Variants in SFXN5 observed in about 807,000 individuals in gnomAD.
SFXN5 encodes the protein sideroflexin-5.
SFXN5 carries 43 observed loss-of-function variants against 50.2 expected under a neutral mutation model. The ratio of observed to expected loss-of-function variants is 0.86; its 90% confidence interval spans 0.67 to 1.11. The LOEUF (loss-of-function observed/expected upper bound fraction) is 1.11. SFXN5 is among the 50% of genes least tolerant of loss of function. The pLI is 0.00. For synonymous variants in SFXN5, 203 were observed against 185.8 expected (o/e 1.09, Z -0.75); for missense variants, 463 against 454.1 (o/e 1.02, Z -0.18).
In SFXN5 at chr2:72,961,047, A is replaced by G; in HGVS notation, c.945+84T>C. On this transcript the variant is annotated intron_variant, in intron 13 of 13. Transcript: ENST00000272433. The surrounding 1 kb of genome is among the most constrained non-coding windows in gnomAD (Gnocchi z 4.4). ...CCCAGCGCCTAGCATGGCGCTAAGG[A>G]GTCGGCACGGTATGAGTATTTGTTC... 1.0e-6 allele frequency: 1 copy of G among 998,148 alleles called. No homozygotes were observed. Among genetic ancestry groups the G allele is most frequent in the Non-Finnish European group, 1.4e-6 (1 of 707,922 alleles). 61.8% of individuals were successfully genotyped at this position (998,148 alleles called of 1,614,324 possible). A position where few individuals can be genotyped will look rare whatever the true frequency, so the allele number is the denominator to read the frequency against.
Position 72,981,441 on chromosome 2 carries a change from C to T in SFXN5, c.625+6817G>A, listed in dbSNP as rs184821734. ...ATTTTTTGAACAGCAAGGCTTACAT[C>T]AAACCTTGTGAGATCTCATCGGCCC... On this transcript the variant is annotated intron_variant, in intron 10 of 13. Transcript: ENST00000272433. 5.9e-5 allele frequency among the ~76,000 whole-genome samples: 9 copies of T among 152,250 alleles called. No individual in the cohort carries two copies. In the East Asian group the frequency reaches 1.5e-3, roughly 26 times the overall value.
intron 6 of SFXN5, among the ~76,000 whole-genome samples, chr2:73,017,420 CTG>C (rs1676307588): frequency 6.6e-6 from 1 of 152,150 alleles, no homozygotes; most frequent in Non-Finnish European, 1.5e-5. Flanking sequence ...TTAAACCTAA[CTG>C]TGTATCAAGT....
At chr2:73,067,962 A>C (rs1381436406) in intron 1 of SFXN5, among the ~76,000 whole-genome samples, 3 of 152,194 alleles carry the variant, frequency 2.0e-5, no homozygotes, top group Non-Finnish European at 4.4e-5. Flanking sequence ...AAATTCAGTA[A>C]GTCAATACAC....
intron 9 of SFXN5, chr2:72,998,624 G>C (rs1189871616): frequency 5.8e-6 from 2 of 343,040 alleles, no homozygotes; most frequent in Non-Finnish European, 1.1e-5. Flanking sequence ...GCTCGCTCCA[G>C]CCACGTTACC....
intron 9 of SFXN5, among the ~76,000 whole-genome samples, chr2:72,990,978 T>C (rs989739589): frequency 1.3e-5 from 2 of 152,182 alleles, no homozygotes; most frequent in African/African-American, 4.8e-5. Context: ...TCAGAAGATC[T>C]GGGTTCAAAA....
Position 72,993,295 on chromosome 2 carries a change from A to G in SFXN5, c.535-4947T>C, listed in dbSNP as rs530722257. On this transcript the variant is annotated intron_variant, in intron 9 of 13. Transcript: ENST00000272433. ...ACTTAGTAGCACACATTGGTAGTCA[A>G]GTGGACCCAAGACCCTCCATGGAGG... is the stretch of plus-strand genomic sequence containing the variant. Among the ~76,000 whole-genome samples the G allele has an allele frequency of 2.0e-4, 31 of 152,318 alleles. 1 individual carries two copies. Among genetic ancestry groups the G allele is most frequent in the Admixed American group, 1.5e-3 (23 of 15,310 alleles).
At chr2:72,986,635 A>T (rs1171503216) in intron 10 of SFXN5, among the ~76,000 whole-genome samples, 1 of 152,088 alleles carries the variant, frequency 6.6e-6, no homozygotes, top group Non-Finnish European at 1.5e-5. Flanking sequence ...TTCTCTTTTG[A>T]CAGCTATGCA....
At chr2:73,062,198 G>A (rs1262995557) in intron 1 of SFXN5, among the ~76,000 whole-genome samples, 1 of 152,162 alleles carries the variant, frequency 6.6e-6, no homozygotes, top group African/African-American at 2.4e-5. Flanking sequence ...ATGGGCTATT[G>A]AATGTTCCTT....
At chr2:72,947,734 T>C (rs1222257517) in intron 13 of SFXN5, among the ~76,000 whole-genome samples, 3 of 152,012 alleles carry the variant, frequency 2.0e-5, no homozygotes, top group Non-Finnish European at 2.9e-5. Flanking sequence ...CCAAGTCTGG[T>C]CACCCGAGAG....
intron 8 of SFXN5, 110 bp downstream of exon 8, chr2:73,000,321 C>T (rs781395749): frequency 1.9e-5 from 20 of 1,034,574 alleles, no homozygotes; most frequent in African/African-American, 8.0e-5. Flanking sequence ...AGAGGAGGGC[C>T]ATGCTTAACC....
In SFXN5 at chr2:73,058,610, T is replaced by TGAGAGAG. The variant is rs976610162; in HGVS notation, c.103-21_103-15dup. ...ATAGAAGGACGTCTGAAGAAGAGGA[T>TGAGAGAG]GAGAGAGAAGAGTGAATGGATCAGC... On this transcript the variant is annotated splice_polypyrimidine_tract_variant and intron_variant, in intron 1 of 13. Transcript: ENST00000272433. 2.5e-5 allele frequency: 40 copies of TGAGAGAG among 1,613,074 alleles called. No homozygotes were observed. The highest frequency in any genetic ancestry group is 3.1e-5 in the Non-Finnish European group (37 of 1,179,266).
chr2:73,037,743 G>T (rs989362933), intron 3 of SFXN5, among the ~76,000 whole-genome samples: 7 of 152,180 alleles, frequency 4.6e-5, no homozygotes, highest in African/African-American at 1.7e-4. Context: ...AAATCTGAAG[G>T]AAAATGATTG....
At chr2:73,008,126 C>G (rs889899991) in intron 6 of SFXN5, among the ~76,000 whole-genome samples, 2 of 152,202 alleles carry the variant, frequency 1.3e-5, no homozygotes, top group Non-Finnish European at 2.9e-5. Flanking sequence ...ACACCAGCAT[C>G]TTCTGATACT....
At chr2:73,070,096 C>T (rs1460993099) in intron 1 of SFXN5, among the ~76,000 whole-genome samples, 2 of 152,152 alleles carry the variant, frequency 1.3e-5, no homozygotes, top group Admixed American at 6.5e-5. Context: ...AAGAAGGGAG[C>T]AAGTGTTTGC....
intron 1 of SFXN5, chr2:73,059,274 C>T: frequency 1.0e-6 from 1 of 985,648 alleles, no homozygotes; most frequent in Non-Finnish European, 1.2e-6. Flanking sequence ...GGGCCTTCTG[C>T]CCTGGGGACT....
rs940320578 is a variant in SFXN5, at chr2:73,027,463, A to C, written c.250-4249T>G. Among the ~76,000 whole-genome samples, 3 of 152,216 alleles carry C rather than the reference A, an allele frequency of 2.0e-5. No homozygotes were observed. The East Asian group carries it at 5.8e-4, about 29-fold the overall frequency. On this transcript the variant is annotated intron_variant, in intron 3 of 13. Coordinates refer to ENST00000272433, the MANE Select transcript of SFXN5 (RefSeq NM_144579.3). Reference sequence around the variant, plus strand: ...AGTAGAGCTACAGTAAGCTAAGGTTAATTTATTTTGAAGAGAGAGCATTTT... The same window carrying C: ...AGTAGAGCTACAGTAAGCTAAGGTTCATTTATTTTGAAGAGAGAGCATTTT...
At chr2:73,044,335 C>T (rs1362137520) in intron 2 of SFXN5, among the ~76,000 whole-genome samples, 1 of 152,242 alleles carries the variant, frequency 6.6e-6, no homozygotes, top group African/African-American at 2.4e-5. Context: ...CTGAGAGCTA[C>T]AGGCTGGCCT....
At chr2:73,041,375 G>T (rs1367123710) in intron 2 of SFXN5, among the ~76,000 whole-genome samples, 1 of 152,106 alleles carries the variant, frequency 6.6e-6, no homozygotes. Context: ...GTGTCACAAG[G>T]AACTTTAATC....
intron 2 of SFXN5, among the ~76,000 whole-genome samples, 181 bp from the exon 3 acceptor site, chr2:73,041,112 T>C (rs549962405): frequency 3.9e-5 from 6 of 152,330 alleles, no homozygotes; most frequent in Non-Finnish European, 7.3e-5. Context: ...CTCGGCAGTT[T>C]AAAAAATGAA....
Sources: allele counts gnomAD v4.1 joint callset (sites outside exome capture counted in the v4.1 genomes callset), GRCh38; gene constraint gnomAD v4.1.1; non-coding constraint Gnocchi (gnomAD v3.1); transcripts MANE v1.5; gene names NCBI Gene and HGNC (gene_info 2026-07-23, HGNC 2026-07-21).